Variants in LDB2 observed in about 807,000 individuals in gnomAD.
LDB2 encodes LIM domain binding 2.
A neutral mutation model predicts 44.3 loss-of-function variants in LDB2; 12 were observed. The ratio of observed to expected loss-of-function variants is 0.27; its 90% confidence interval spans 0.17 to 0.44. The LOEUF (loss-of-function observed/expected upper bound fraction) is 0.44. Among genes scored for constraint, LDB2 ranks in the 20% least tolerant of loss-of-function variants. The pLI, the probability that LDB2 is intolerant of heterozygous loss-of-function variation, is 1.00. For missense variants in LDB2, 344 were observed against 473.5 expected (o/e 0.73, Z 2.54); for synonymous variants, 164 against 174.8 (o/e 0.94, Z 0.49).
intron 1 of LDB2, among the ~76,000 whole-genome samples, chr4:16,841,090 C>A (rs1286978278): frequency 6.6e-6 from 1 of 152,172 alleles, no homozygotes; most frequent in Non-Finnish European, 1.5e-5. Context: ...ACCACATATG[C>A]CCGGACTTAT....
chr4:16,766,498 GTGTGTGTATA>G (rs1290873360), intron 1 of LDB2, among the ~76,000 whole-genome samples: 2 of 105,928 alleles, frequency 1.9e-5, no homozygotes, highest in African/African-American at 7.5e-5. Flanking sequence ...GTGTGTGTGT[GTGTGTGTATA>G]TATTTTTTTT....
intron 1 of LDB2, among the ~76,000 whole-genome samples, chr4:16,827,247 T>C (rs1355958288): frequency 1.3e-5 from 2 of 152,108 alleles, no homozygotes; most frequent in African/African-American, 4.8e-5. Context: ...CGGGGCAGCA[T>C]TGCAGAGACA....
intron 1 of LDB2, among the ~76,000 whole-genome samples, chr4:16,887,032 CAAAAAAAA>C (rs371783496): frequency 2.0e-5 from 1 of 50,446 alleles, no homozygotes; most frequent in African/African-American, 6.7e-5. Context: ...AACTCCGTCT[CAAAAAAAA>C]AAAAAAAAAA....
At chr4:16,683,920 C>T (rs1371647779) in intron 2 of LDB2, among the ~76,000 whole-genome samples, 1 of 152,212 alleles carries the variant, frequency 6.6e-6, no homozygotes, top group Non-Finnish European at 1.5e-5. Context: ...GAAGAAGGCT[C>T]ACCTGCTTCT....
At chr4:16,721,821 G>C (rs893267319) in intron 2 of LDB2, among the ~76,000 whole-genome samples, 3 of 152,172 alleles carry the variant, frequency 2.0e-5, no homozygotes, top group Non-Finnish European at 1.5e-5. Flanking sequence ...AGCCGAAAGA[G>C]GGTGAAAGTA....
chr4:16,695,346 C>T (rs944918134), intron 2 of LDB2, among the ~76,000 whole-genome samples: 33 of 151,850 alleles, frequency 2.2e-4, no homozygotes, highest in African/African-American at 7.7e-4. Flanking sequence ...GCCTGGCCAA[C>T]ATGGTGAAAC....
At chr4:16,803,623 A>C (rs987504926) in intron 1 of LDB2, among the ~76,000 whole-genome samples, 2 of 152,206 alleles carry the variant, frequency 1.3e-5, no homozygotes, top group Non-Finnish European at 2.9e-5. Context: ...ACAATTTTTC[A>C]ACCATATATC....
intron 5 of LDB2, among the ~76,000 whole-genome samples, chr4:16,527,776 A>G (rs574296404): frequency 6.6e-6 from 1 of 152,322 alleles, no homozygotes; most frequent in South Asian, 2.1e-4. Flanking sequence ...CTTTAAATTT[A>G]CAAGAGGGTA....
At chr4:16,697,395 C>T (rs1752417189) in intron 2 of LDB2, among the ~76,000 whole-genome samples, 1 of 151,470 alleles carries the variant, frequency 6.6e-6, no homozygotes. Context: ...GCAGAGCTTG[C>T]AGTGAGCAGT....
At chr4:16,549,247 A>G (rs971110001) in intron 5 of LDB2, among the ~76,000 whole-genome samples, 2 of 152,204 alleles carry the variant, frequency 1.3e-5, no homozygotes, top group African/African-American at 4.8e-5. Flanking sequence ...TTTAGTGTTG[A>G]TGACAGGTTG....
intron 2 of LDB2, among the ~76,000 whole-genome samples, chr4:16,702,064 T>G (rs1753572029): frequency 6.6e-6 from 1 of 152,192 alleles, no homozygotes; most frequent in South Asian, 2.1e-4. Context: ...AAGAAAGAAT[T>G]TATAGCTCAA....
At chr4:16,772,280 C>T (rs1246035123) in intron 1 of LDB2, among the ~76,000 whole-genome samples, 4 of 152,100 alleles carry the variant, frequency 2.6e-5, no homozygotes, top group African/African-American at 9.7e-5. Flanking sequence ...TTCTTACATA[C>T]AAAAAATTGT....
chr4:16,782,928 T>A (rs1773608068), intron 1 of LDB2, among the ~76,000 whole-genome samples: 1 of 151,828 alleles, frequency 6.6e-6, no homozygotes, highest in African/African-American at 2.4e-5. Flanking sequence ...GAGAAGTACT[T>A]GAAAAAAAAT....
chr4:16,782,521 T>C (rs181758899), intron 1 of LDB2, among the ~76,000 whole-genome samples: 1,595 of 152,078 alleles, frequency 0.01, 22 homozygotes, highest in Non-Finnish European at 0.016. Flanking sequence ...CAGCTAAGTT[T>C]TTGTATTTTT....
intron 1 of LDB2, among the ~76,000 whole-genome samples, chr4:16,773,998 C>CAAAAAAAAAAAAAAAAAAAAA (rs60133554): frequency 7.8e-6 from 1 of 128,348 alleles, no homozygotes; most frequent in African/African-American, 3.0e-5. Flanking sequence ...ACTAAAAATA[C>CAAAAAAAAAAAAAAAAAAAAA]AAAAAAAATA....
intron 1 of LDB2, among the ~76,000 whole-genome samples, chr4:16,855,846 G>C (rs950352600): frequency 6.6e-6 from 1 of 152,096 alleles, no homozygotes; most frequent in Non-Finnish European, 1.5e-5. Context: ...ACCAATGCAT[G>C]TTATTATAAA....
chr4:16,728,721 C>T (rs932985951), intron 2 of LDB2, among the ~76,000 whole-genome samples: 2 of 152,154 alleles, frequency 1.3e-5, no homozygotes, highest in Non-Finnish European at 2.9e-5. Flanking sequence ...CTAGAGCATC[C>T]TCTTTCTGAG....
intron 1 of LDB2, among the ~76,000 whole-genome samples, chr4:16,847,595 A>ATGTT (rs77897455): frequency 0.16 from 23,248 of 141,682 alleles, 1,967 homozygotes; most frequent in African/African-American, 0.24. Flanking sequence ...TCTTTAACAC[A>ATGTT]TGTTTGTTTG....
At chr4:16,694,717 T>C (rs1464412648) in intron 2 of LDB2, among the ~76,000 whole-genome samples, 5 of 152,204 alleles carry the variant, frequency 3.3e-5, no homozygotes, top group Non-Finnish European at 1.5e-5. Flanking sequence ...TAGCATCACA[T>C]GGCCAAGAGT....
Sources: allele counts gnomAD v4.1 joint callset (sites outside exome capture counted in the v4.1 genomes callset), GRCh38; gene constraint gnomAD v4.1.1; transcripts MANE v1.5; gene names NCBI Gene and HGNC (gene_info 2026-07-23, HGNC 2026-07-21).